Variants in MORC1 observed in about 807,000 individuals in gnomAD.
MORC1 encodes the protein MORC family CW-type zinc finger 1.
A neutral mutation model predicts 134.9 loss-of-function variants in MORC1; 59 were observed. That is an observed-to-expected ratio of 0.44 (90% CI 0.35 to 0.54). The LOEUF (loss-of-function observed/expected upper bound fraction) is 0.54. MORC1 is among the 20% of genes least tolerant of loss of function. MORC1 has a pLI of 0.00. For missense variants in MORC1, 947 were observed against 1,134.5 expected (o/e 0.83, Z 2.37); for synonymous variants, 395 against 391.7 (o/e 1.01, Z -0.10).
At chr3:109,083,033 G>C (rs528419250) in intron 8 of MORC1, among the ~76,000 whole-genome samples, 1 of 152,212 alleles carries the variant, frequency 6.6e-6, no homozygotes, top group South Asian at 2.1e-4. Flanking sequence ...AAAGCAGCAA[G>C]AGGAAAGAAG....
intron 8 of MORC1, among the ~76,000 whole-genome samples, chr3:109,079,469 T>C (rs1347823297): frequency 6.6e-6 from 1 of 151,830 alleles, no homozygotes; most frequent in Non-Finnish European, 1.5e-5. Context: ...AAAAAATAAA[T>C]AAAACAAAAT....
chr3:109,031,997 CAA>C (rs1178263826), intron 16 of MORC1, among the ~76,000 whole-genome samples: 4 of 152,046 alleles, frequency 2.6e-5, no homozygotes. Flanking sequence ...CAGCAGTTTC[CAA>C]ATGTTTTCTT....
intron 14 of MORC1, among the ~76,000 whole-genome samples, chr3:109,049,485 C>T (rs561704112): frequency 3.3e-5 from 5 of 152,132 alleles, no homozygotes; most frequent in Admixed American, 2.0e-4. Context: ...AAAATACTAG[C>T]CAGACTTTAC....
intron 8 of MORC1, among the ~76,000 whole-genome samples, chr3:109,090,930 C>T (rs564065388): frequency 1.3e-5 from 2 of 152,064 alleles, no homozygotes; most frequent in East Asian, 3.9e-4. Flanking sequence ...TTATAAACTG[C>T]ACCAGATTAG....
At chr3:108,998,115 C>T (rs1487405203) in intron 21 of MORC1, among the ~76,000 whole-genome samples, 2 of 152,142 alleles carry the variant, frequency 1.3e-5, no homozygotes, top group African/African-American at 4.8e-5. Context: ...TAGCTGGACG[C>T]CTTTTAAATA....
chr3:109,038,851 T>C (rs1949442615), intron 14 of MORC1, among the ~76,000 whole-genome samples: 1 of 152,158 alleles, frequency 6.6e-6, no homozygotes, highest in Admixed American at 6.5e-5. Flanking sequence ...CCTTGTAGTA[T>C]AGTTTGAAGT....
At chr3:109,021,274 T>C (rs1012994275) in intron 17 of MORC1, among the ~76,000 whole-genome samples, 2 of 152,188 alleles carry the variant, frequency 1.3e-5, no homozygotes, top group Admixed American at 6.5e-5. Context: ...TAAGGAGTTT[T>C]TGTAGGGTAG....
At chr3:109,045,633 A>T (rs936515644) in intron 14 of MORC1, among the ~76,000 whole-genome samples, 1 of 152,186 alleles carries the variant, frequency 6.6e-6, no homozygotes, top group African/African-American at 2.4e-5. Context: ...CTTGAAGTGA[A>T]AAAAAGCAAG....
chr3:109,103,730 G>T, intron 4 of MORC1, 119 bp downstream of exon 4: 2 of 845,398 alleles, frequency 2.4e-6, no homozygotes, highest in East Asian at 2.7e-5. Flanking sequence ...AAAGTCTGGG[G>T]CTTACTTTCT....
At chr3:109,052,508 C>A (rs111426933) in intron 14 of MORC1, among the ~76,000 whole-genome samples, 1 of 152,064 alleles carries the variant, frequency 6.6e-6, no homozygotes, top group Non-Finnish European at 1.5e-5. Context: ...TGTTTTAGAC[C>A]ATGACATGAA....
intron 14 of MORC1, among the ~76,000 whole-genome samples, chr3:109,048,662 G>A (rs1949750515): frequency 6.6e-6 from 1 of 152,128 alleles, no homozygotes; most frequent in Admixed American, 6.5e-5. Context: ...GGTATTGGCA[G>A]GCTTGGTTTC....
chr3:108,991,182 C>A (rs1948051023), intron 21 of MORC1, among the ~76,000 whole-genome samples: 1 of 152,102 alleles, frequency 6.6e-6, no homozygotes, highest in Non-Finnish European at 1.5e-5. Flanking sequence ...TGGAAGTGTT[C>A]TGAGTAGGAG....
intron 11 of MORC1, among the ~76,000 whole-genome samples, chr3:109,060,556 T>C (rs1950057209): frequency 6.6e-6 from 1 of 152,064 alleles, no homozygotes; most frequent in African/African-American, 2.4e-5. Context: ...TGGGTATGTC[T>C]TTTGATGTAT....
intron 6 of MORC1, among the ~76,000 whole-genome samples, chr3:109,098,641 T>G (rs1270479614): frequency 1.3e-5 from 2 of 152,186 alleles, no homozygotes; most frequent in African/African-American, 4.8e-5. Flanking sequence ...TCCATATCAT[T>G]GCTTTTGATA....
intron 21 of MORC1, among the ~76,000 whole-genome samples, chr3:108,999,190 T>G: frequency 6.6e-6 from 1 of 152,382 alleles, no homozygotes; most frequent in Middle Eastern, 3.4e-3. Context: ...GGTGTTTACT[T>G]TTTTCATTTA....
At chr3:109,018,427 G>T (rs1948869080) in intron 17 of MORC1, among the ~76,000 whole-genome samples, 1 of 152,044 alleles carries the variant, frequency 6.6e-6, no homozygotes, top group Admixed American at 6.5e-5. Flanking sequence ...TGGGACCACA[G>T]AGACAAGACC....
intron 16 of MORC1, among the ~76,000 whole-genome samples, chr3:109,028,234 TC>T (rs34592591): frequency 2.0e-5 from 3 of 150,374 alleles, no homozygotes; most frequent in African/African-American, 4.9e-5. Flanking sequence ...CACTGCCATT[TC>T]CCCCCCCAAA....
At chr3:109,051,454 A>G (rs1263607024) in intron 14 of MORC1, among the ~76,000 whole-genome samples, 1 of 152,220 alleles carries the variant, frequency 6.6e-6, no homozygotes, top group African/African-American at 2.4e-5. Flanking sequence ...CTTGAAGGTC[A>G]TTCTCCTTAC....
At chr3:109,015,885 G>A (rs558405442) in intron 17 of MORC1, among the ~76,000 whole-genome samples, 1 of 152,208 alleles carries the variant, frequency 6.6e-6, no homozygotes, top group East Asian at 1.9e-4. Flanking sequence ...CAAAATGCCT[G>A]GGGACAGAAG....
Sources: allele counts gnomAD v4.1 joint callset (sites outside exome capture counted in the v4.1 genomes callset), GRCh38; gene constraint gnomAD v4.1.1; transcripts MANE v1.5; gene names NCBI Gene and HGNC (gene_info 2026-07-23, HGNC 2026-07-21).